The following TMEM67 variants were observed in gnomAD, a reference collection of about 807,000 sequenced individuals.
TMEM67 encodes the protein meckelin.
A neutral mutation model predicts 136.6 loss-of-function variants in TMEM67; 124 were observed. The ratio of observed to expected loss-of-function variants is 0.91; its 90% CI spans 0.78 to 1.05. The LOEUF (loss-of-function observed/expected upper bound fraction) is 1.05. Ranked by LOEUF, TMEM67 falls within the 50% of genes least tolerant of loss-of-function variation. TMEM67 has a pLI of 0.00. For missense variants in TMEM67, 1,107 were observed against 1,178.4 expected (o/e 0.94, Z 0.89); for synonymous variants, 364 against 390.5 (o/e 0.93, Z 0.80).
chr8:93,808,448 T>TAG lies in TMEM67; in HGVS notation c.2440-391_2440-390insGA, dbSNP rs371295673. Among the ~76,000 whole-genome samples the TAG allele has an allele frequency of 5.0e-4, 38 of 76,192 alleles. 1 individual carries two copies. The highest frequency in any genetic ancestry group is 1.3e-3 in the African/African-American group (34 of 25,462). The allele number at this position is 76,192 out of a possible 152,430, so 50.0% of individuals were successfully genotyped here. A position where few individuals can be genotyped will look rare whatever the true frequency, so the allele number is the denominator to read the frequency against. On this transcript the variant is annotated intron_variant, in intron 23 of 27. Transcript: ENST00000453321. ...ATATTTATCTATTATATATTTATTA[T>TAG]ATATAAATATATATTTATCTATTAT...
intron 6 of TMEM67, among the ~76,000 whole-genome samples, chr8:93,766,306 G>A (rs182532405): frequency 2.3e-3 from 347 of 152,228 alleles, no homozygotes; most frequent in Non-Finnish European, 4.3e-3. Context: ...TTTCAGTAGA[G>A]ATGGGATTTC....
At chr8:93,788,288 C>T (rs1199690387) in intron 14 of TMEM67, among the ~76,000 whole-genome samples, 3 of 152,026 alleles carry the variant, frequency 2.0e-5, no homozygotes, top group East Asian at 3.9e-4. Flanking sequence ...TTGTGGGTCA[C>T]GCACAGTGGC....
the TMEM67 span, among the ~76,000 whole-genome samples, chr8:93,831,171 A>G: frequency 6.6e-6 from 1 of 152,230 alleles, no homozygotes; most frequent in Non-Finnish European, 1.5e-5. Context: ...TATGACAAGT[A>G]AGAGGAGACA....
chr8:93,788,807 A>G (rs1166071833), intron 14 of TMEM67, among the ~76,000 whole-genome samples: 3 of 152,202 alleles, frequency 2.0e-5, no homozygotes, highest in African/African-American at 4.8e-5. Context: ...AAACTTAACT[A>G]CAGGACAGAA....
chr8:93,815,966 C>T (rs1808890881), intron 27 of TMEM67, among the ~76,000 whole-genome samples: 2 of 152,198 alleles, frequency 1.3e-5, no homozygotes, highest in Admixed American at 1.3e-4. Context: ...AAATATTCTC[C>T]ACTATGTCAA....
downstream of TMEM67, among the ~76,000 whole-genome samples, chr8:93,820,585 G>A (rs1809027522): frequency 6.6e-6 from 1 of 152,188 alleles, no homozygotes; most frequent in South Asian, 2.1e-4. Flanking sequence ...CTTACTGGCT[G>A]TGCAATTTGG....
At chr8:93,768,448 C>G (rs554288669) in intron 6 of TMEM67, among the ~76,000 whole-genome samples, 2 of 151,894 alleles carry the variant, frequency 1.3e-5, no homozygotes, top group South Asian at 4.2e-4. Flanking sequence ...CTCATCTCCA[C>G]TAAAAATACA....
intron 6 of TMEM67, among the ~76,000 whole-genome samples, chr8:93,772,300 T>G (rs1286931949): frequency 3.3e-5 from 5 of 152,224 alleles, no homozygotes; most frequent in Non-Finnish European, 7.3e-5. Context: ...CAGGATCTGT[T>G]ATTTTTTCTT....
chr8:93,824,540 C>A, the TMEM67 span, among the ~76,000 whole-genome samples: 1 of 152,074 alleles, frequency 6.6e-6, no homozygotes, highest in African/African-American at 2.4e-5. Flanking sequence ...GAAGAGCCAT[C>A]ATTTAATCAC....
chr8:93,796,654 A>C (rs563599080), intron 18 of TMEM67, among the ~76,000 whole-genome samples: 69 of 152,370 alleles, frequency 4.5e-4, no homozygotes, highest in Middle Eastern at 3.4e-3. Context: ...GTGTTTCAAC[A>C]GCACATTCTT....
chr8:93,780,959 T>G lies in TMEM67; in HGVS notation c.955T>G (p.Phe319Val), dbSNP rs749367343. The change falls in exon 9 of 28, where the codon TTC becomes GTC. Residue 319 changes from phenylalanine to valine, a missense_variant. By Grantham distance (50) the Phe-to-Val change is conservative. Coordinates refer to ENST00000453321, the MANE Select transcript of TMEM67 (RefSeq NM_153704.6). The stretch of plus-strand genomic sequence containing the variant: ...CAGTTCTACCTCTCTTCCTACAAAT[T>G]TCAGTTTTAAAGGAGAAAACCAGGT... Reference protein sequence around the residue: ...VLSSTSLPTNFSFKGENQNTK... With the variant: ...VLSSTSLPTNVSFKGENQNTK... The G allele has an allele frequency of 6.2e-7, 1 of 1,610,840 alleles. No homozygotes were observed.
At position 93,785,292 on chromosome 8, in the gene TMEM67, A is replaced by T; in HGVS notation, c.1202A>T (p.Tyr401Phe). ...ATATTTTATGATGTGTACCTTGAAT[A>T]TACTGATGAAAATCAACATCAATAT... Reference protein sequence around the residue: ...TPIFYDVYLEYTDENQHQYIL... With the variant: ...TPIFYDVYLEFTDENQHQYIL... Residue 401 changes from tyrosine (Y) to phenylalanine (F), a missense_variant, in exon 12 of 28, where the codon TAT becomes TTT. Around this residue, in one of 3 missense-constraint regions of TMEM67, gnomAD observed 925 missense variants for 1,002.4 expected, o/e 0.92. Transcript: ENST00000453321. 6.2e-7 allele frequency: 1 copy of T among 1,603,786 alleles called. No homozygotes were observed. Among genetic ancestry groups the T allele is most frequent in the Non-Finnish European group, 8.5e-7 (1 of 1,171,092 alleles).
At chr8:93,775,191 T>A (rs1375095566) in intron 7 of TMEM67, among the ~76,000 whole-genome samples, 2 of 152,208 alleles carry the variant, frequency 1.3e-5, no homozygotes, top group Non-Finnish European at 2.9e-5. Context: ...TTTGCCCACT[T>A]TTTGATGGGG....
intron 20 of TMEM67, among the ~76,000 whole-genome samples, chr8:93,798,285 T>TG (rs1814710553): frequency 6.6e-6 from 1 of 150,914 alleles, no homozygotes; most frequent in Non-Finnish European, 1.5e-5. Context: ...TTAGAGACTA[T>TG]GTGTTGATTT....
intron 3 of TMEM67, 87 bp downstream of exon 3, chr8:93,758,663 G>T: frequency 1.8e-6 from 2 of 1,108,894 alleles, no homozygotes; most frequent in Non-Finnish European, 2.7e-6. Context: ...AATTTAAATA[G>T]TTAAGTGATT....
Position 93,765,421 on chromosome 8 carries a change from G to T in TMEM67, c.522G>T (p.Glu174Asp). Residue 174 changes from glutamate to aspartate, a missense_variant, in exon 5 of 28, where the codon GAG (glutamate) becomes GAT (aspartate). This residue lies in a region of TMEM67 where 925 missense variants were observed against 1,002.4 expected (regional missense o/e 0.92). Transcript: ENST00000453321. ...NALGDRCVRC[E>D]PTFVNTSRSC... ...TATTGAACAGGTGCGTCCGATGTGA[G>T]CCAACATTTGTTAATACCAGCAGGT... The T allele has an allele frequency of 6.2e-7, 1 of 1,611,662 alleles. No homozygotes were observed. Among genetic ancestry groups the T allele is most frequent in the African/African-American group, 1.3e-5 (1 of 74,950 alleles).
chr8:93,767,725 A>ATTTT (rs61268455), intron 6 of TMEM67, among the ~76,000 whole-genome samples: 4 of 139,704 alleles, frequency 2.9e-5, no homozygotes, highest in Admixed American at 7.0e-5. Context: ...CTTCTGCGTG[A>ATTTT]TTTTTTTTTT....
chr8:93,802,564 A>G (rs1233934779), intron 21 of TMEM67, among the ~76,000 whole-genome samples: 1 of 152,178 alleles, frequency 6.6e-6, no homozygotes, highest in Non-Finnish European at 1.5e-5. Context: ...CAGTGTTTAT[A>G]TATTTGTCAA....
At chr8:93,759,175 A>G (rs1027445619) in intron 3 of TMEM67, 2 of 152,250 alleles carry the variant, frequency 1.3e-5, no homozygotes, top group African/African-American at 4.8e-5. Context: ...AAAAATATTT[A>G]TCATTGGAAA....
Sources: gnomAD v4.1 joint callset for allele counts (sites outside exome capture counted in the v4.1 genomes callset) on GRCh38, gnomAD v4.1.1 for gene constraint, gnomAD v4.1.1 regional missense constraint, MANE v1.5 for transcripts, NCBI Gene and HGNC (gene_info 2026-07-23, HGNC 2026-07-21) for gene names.